The following SNCAIP variants were observed in gnomAD, a reference collection of about 807,000 sequenced individuals.
The protein encoded by SNCAIP is synphilin-1.
SNCAIP carries 43 observed loss-of-function variants against 86.7 expected under a neutral mutation model. The ratio of observed to expected loss-of-function variants is 0.50; its 90% confidence interval spans 0.39 to 0.64. SNCAIP has a LOEUF of 0.64. Among genes scored for constraint, SNCAIP ranks in the 30% least tolerant of loss-of-function variants. SNCAIP has a pLI of 0.00. For synonymous variants in SNCAIP, 417 were observed against 427.2 expected (o/e 0.98, Z 0.29); for missense variants, 981 against 1,103.1 (o/e 0.89, Z 1.57).
chr5:122,367,585 G>A (rs561448312), intron 1 of SNCAIP, among the ~76,000 whole-genome samples: 3 of 152,070 alleles, frequency 2.0e-5, no homozygotes, highest in Non-Finnish European at 4.4e-5. Flanking sequence ...AGAGGCTCAG[G>A]GCTGGAGTCA....
chr5:122,327,242 G>T (rs770432992), intron 1 of SNCAIP, among the ~76,000 whole-genome samples: 1 of 152,082 alleles, frequency 6.6e-6, no homozygotes, highest in Non-Finnish European at 1.5e-5. Context: ...TGGTAATAAA[G>T]TTCCTAATGG....
intron 1 of SNCAIP, among the ~76,000 whole-genome samples, chr5:122,381,327 G>C (rs1286368577): frequency 2.1e-5 from 3 of 142,080 alleles, no homozygotes; most frequent in African/African-American, 8.1e-5. Flanking sequence ...ATCTTTGTTG[G>C]TTTAAAGTCT....
At chr5:122,404,523 G>A (rs914889823) in intron 3 of SNCAIP, among the ~76,000 whole-genome samples, 28 of 151,924 alleles carry the variant, frequency 1.8e-4, no homozygotes, top group African/African-American at 6.5e-4. Flanking sequence ...CTTCTATGAT[G>A]GGCAAAAATG....
chr5:122,355,287 A>G (rs932476529), intron 1 of SNCAIP, among the ~76,000 whole-genome samples: 2 of 152,168 alleles, frequency 1.3e-5, no homozygotes, highest in African/African-American at 4.8e-5. Context: ...TCCTTCATAT[A>G]TAGGATGACT....
intron 1 of SNCAIP, among the ~76,000 whole-genome samples, chr5:122,326,595 A>G (rs1173475591): frequency 1.4e-5 from 2 of 141,294 alleles, no homozygotes; most frequent in Admixed American, 1.4e-4. Flanking sequence ...AGGGAACTTC[A>G]GAAATGTCTC....
At chr5:122,317,383 A>G (rs1420508601) in intron 1 of SNCAIP, among the ~76,000 whole-genome samples, 1 of 152,190 alleles carries the variant, frequency 6.6e-6, no homozygotes, top group African/African-American at 2.4e-5. Flanking sequence ...ATGGTGGCAA[A>G]ATTTTCATCT....
intron 10 of SNCAIP, among the ~76,000 whole-genome samples, chr5:122,459,838 G>A (rs1380965571): frequency 1.3e-5 from 2 of 152,070 alleles, no homozygotes; most frequent in African/African-American, 4.8e-5. Context: ...GACTGGATGT[G>A]CCCTGTGCCA....
chr5:122,396,876 T>G (rs1389998640), intron 2 of SNCAIP, among the ~76,000 whole-genome samples: 1 of 152,200 alleles, frequency 6.6e-6, no homozygotes, highest in Admixed American at 6.5e-5. Flanking sequence ...TATAACATAC[T>G]TTTTTCTTGT....
chr5:122,443,979 C>CT, intron 7 of SNCAIP: 2 of 425,058 alleles, frequency 4.7e-6, no homozygotes, highest in Non-Finnish European at 9.4e-6. Flanking sequence ...AAGCTTTCTT[C>CT]TACAAAGCCT....
chr5:122,440,860 G>GT, intron 7 of SNCAIP, 106 bp downstream of exon 7: 1 of 1,063,076 alleles, frequency 9.4e-7, no homozygotes, highest in Non-Finnish European at 1.4e-6. Context: ...TTCACCTTTT[G>GT]TATGGTCGTA....
At chr5:122,315,001 G>A (rs532794153) in intron 1 of SNCAIP, among the ~76,000 whole-genome samples, 1 of 152,322 alleles carries the variant, frequency 6.6e-6, no homozygotes, top group East Asian at 1.9e-4. Flanking sequence ...TGCCTAAGAT[G>A]CTAAATAGTA....
chr5:122,443,189 C>T (rs1380508591), intron 7 of SNCAIP, among the ~76,000 whole-genome samples: 1 of 152,118 alleles, frequency 6.6e-6, no homozygotes, highest in Non-Finnish European at 1.5e-5. Flanking sequence ...TCCTTACTGA[C>T]CTCTCAGTCT....
At chr5:122,448,490 A>C (rs2152992999) in intron 8 of SNCAIP, among the ~76,000 whole-genome samples, 1 of 150,220 alleles carries the variant, frequency 6.7e-6, no homozygotes, top group South Asian at 2.1e-4. Flanking sequence ...TTAATTAAAA[A>C]ATTTTTTAAT....
At chr5:122,378,567 G>T (rs1765908450) in intron 1 of SNCAIP, among the ~76,000 whole-genome samples, 1 of 142,822 alleles carries the variant, frequency 7.0e-6, no homozygotes, top group African/African-American at 2.6e-5. Context: ...TGTCAATTTT[G>T]TCTTTTGTTG....
chr5:122,408,679 TG>T (rs1581061580), intron 3 of SNCAIP, among the ~76,000 whole-genome samples: 1 of 152,246 alleles, frequency 6.6e-6, no homozygotes, highest in East Asian at 1.9e-4. Flanking sequence ...GCAAGGGAAT[TG>T]GAGATGCCAC....
chr5:122,404,982 T>TA (rs1452385511), intron 3 of SNCAIP, among the ~76,000 whole-genome samples: 1 of 152,230 alleles, frequency 6.6e-6, no homozygotes, highest in Non-Finnish European at 1.5e-5. Flanking sequence ...AGCTTTTACT[T>TA]ACCTTCACTT....
At chr5:122,422,135 T>C (rs2152923950) in intron 3 of SNCAIP, among the ~76,000 whole-genome samples, 2 of 152,136 alleles carry the variant, frequency 1.3e-5, no homozygotes, top group East Asian at 3.8e-4. Context: ...TGTTCTGTTG[T>C]GAAGTGTTAG....
intron 10 of SNCAIP, chr5:122,451,887 T>C: frequency 2.8e-6 from 1 of 361,218 alleles, no homozygotes; most frequent in Non-Finnish European, 5.1e-6. Context: ...TCTTTAGGTG[T>C]TAGGGTCCTA....
chr5:122,312,989 G>A (rs1750930876), intron 1 of SNCAIP: 1 of 152,238 alleles, frequency 6.6e-6, no homozygotes, highest in African/African-American at 2.4e-5. Context: ...TTTTTACGAA[G>A]AGAAAAGAGG....
Sources: allele counts gnomAD v4.1 joint callset (sites outside exome capture counted in the v4.1 genomes callset), GRCh38; gene constraint gnomAD v4.1.1; transcripts MANE v1.5; gene names NCBI Gene and HGNC (gene_info 2026-07-23, HGNC 2026-07-21).